Variants in ZNF521 observed in about 807,000 individuals in gnomAD.
ZNF521 encodes the protein zinc finger protein 521.
A neutral mutation model predicts 105.5 loss-of-function variants in ZNF521; 14 were observed. That is an observed-to-expected ratio of 0.13 (90% CI 0.09 to 0.21). The LOEUF (loss-of-function observed/expected upper bound fraction) is 0.21, where lower values mean the gene tolerates loss of function less well. Among genes scored for constraint, ZNF521 ranks in the 10% least tolerant of loss-of-function variants. The pLI, the probability that ZNF521 is intolerant of heterozygous loss-of-function variation, is 1.00. For missense variants in ZNF521, 1,233 were observed against 1,629.7 expected, an observed-to-expected ratio of 0.76 and a Z score of 4.19; for synonymous variants, 635 against 606.0, an observed-to-expected ratio of 1.05 and a Z score of -0.70.
At chr18:25,251,601 A>T (rs1908121042) in intron 3 of ZNF521, among the ~76,000 whole-genome samples, 3 of 152,220 alleles carry the variant, frequency 2.0e-5, no homozygotes, top group Admixed American at 2.0e-4. Context: ...CCATATACAG[A>T]AATCATAGAC....
At chr18:25,180,725 T>C (rs976756601) in intron 5 of ZNF521, among the ~76,000 whole-genome samples, 5 of 152,146 alleles carry the variant, frequency 3.3e-5, no homozygotes, top group African/African-American at 1.2e-4. Flanking sequence ...TTCTCCACCA[T>C]ACTGCCAGCA....
chr18:25,152,114 C>A (rs141615973), intron 5 of ZNF521, among the ~76,000 whole-genome samples: 102 of 152,180 alleles, frequency 6.7e-4, no homozygotes, highest in African/African-American at 2.5e-3. Flanking sequence ...TTTTTGAAGC[C>A]CTAGCCACCC....
chr18:25,225,038 C>A lies in ZNF521; in HGVS notation c.2880G>T (p.Met960Ile). Residue 960 changes from methionine to isoleucine, a missense_variant, in exon 4 of 8, where the codon ATG (methionine) becomes ATT (isoleucine). Met to Ile is a conservative substitution (Grantham distance 10, BLOSUM62 1). Transcript: ENST00000361524. The surrounding 1 kb of genome is among the most constrained non-coding windows in gnomAD (Gnocchi z 5.6). Reference sequence around the variant, plus strand: ...GAAACCGCTCTCCGCAAATAGGGCACATGTAGTGTTTGACAGGGCCTAGGT... The same window carrying A: ...GAAACCGCTCTCCGCAAATAGGGCAAATGTAGTGTTTGACAGGGCCTAGGT... ...QTHLGPVKHY[M>I]CPICGERFPS... The A allele has an allele frequency of 1.9e-6, 3 of 1,614,182 alleles. No individual in the cohort carries two copies. Among genetic ancestry groups the A allele is most frequent in the Non-Finnish European group, 2.5e-6 (3 of 1,180,028 alleles).
rs73943979 is a variant in ZNF521 at position 25,156,263 on chromosome 18, T to C, written c.3658+38897A>G. Among the ~76,000 whole-genome samples the C allele has an allele frequency of 1.7e-3, 260 of 152,340 alleles. 3 individuals carry two copies. The highest frequency in any genetic ancestry group is 5.8e-3 in the African/African-American group (243 of 41,588). On this transcript the variant is annotated intron_variant, in intron 5 of 7. Transcript: ENST00000361524. ...AAAAAATAAGGGGAAATGGACTTGT[T>C]TAATGCCACTCAATTAGAATGGCAG...
At chr18:25,314,424 C>G (rs921329748) in intron 3 of ZNF521, among the ~76,000 whole-genome samples, 1 of 152,130 alleles carries the variant, frequency 6.6e-6, no homozygotes, top group Non-Finnish European at 1.5e-5. Context: ...TTCCAGATGT[C>G]TAAAAGTTTT....
At chr18:25,206,621 C>G (rs986704876) in intron 4 of ZNF521, among the ~76,000 whole-genome samples, 1 of 151,994 alleles carries the variant, frequency 6.6e-6, no homozygotes, top group Non-Finnish European at 1.5e-5. Context: ...TTCTTTATAA[C>G]TTTTATCTCC....
At chr18:25,143,623 GCAAAGAT>G (rs1293847556) in intron 5 of ZNF521, among the ~76,000 whole-genome samples, 14 of 152,016 alleles carry the variant, frequency 9.2e-5, no homozygotes, top group Non-Finnish European at 1.8e-4. Flanking sequence ...ATACCTTGTA[GCAAAGAT>G]GCTAAGTAAC....
chr18:25,174,074 A>G (rs910193799), intron 5 of ZNF521, among the ~76,000 whole-genome samples: 52 of 152,296 alleles, frequency 3.4e-4, no homozygotes, highest in African/African-American at 1.2e-3. Flanking sequence ...ATCAACTTGA[A>G]TTCTTTTTTT....
chr18:25,327,446 C>A, intron 2 of ZNF521: 1 of 1,171,660 alleles, frequency 8.5e-7, no homozygotes, highest in Non-Finnish European at 1.1e-6. Context: ...AGAAGTCCCA[C>A]ACCTAAAAAG....
intron 3 of ZNF521, among the ~76,000 whole-genome samples, chr18:25,234,613 AC>A (rs1304848721): frequency 6.6e-6 from 1 of 152,142 alleles, no homozygotes; most frequent in Non-Finnish European, 1.5e-5. Flanking sequence ...CTCAAACATG[AC>A]CTTATATGAA....
At chr18:25,138,389 G>A (rs935305508) in intron 5 of ZNF521, among the ~76,000 whole-genome samples, 1 of 152,030 alleles carries the variant, frequency 6.6e-6, no homozygotes, top group East Asian at 1.9e-4. Context: ...GGTACAATTT[G>A]TACCTATCTT....
At chr18:25,273,790 A>G (rs894142431) in intron 3 of ZNF521, among the ~76,000 whole-genome samples, 1 of 152,218 alleles carries the variant, frequency 6.6e-6, no homozygotes, top group Non-Finnish European at 1.5e-5. Context: ...TTCTACCACA[A>G]TGTTGCATCT....
chr18:25,123,764 G>T (rs1444007687), intron 5 of ZNF521, among the ~76,000 whole-genome samples: 2 of 152,158 alleles, frequency 1.3e-5, no homozygotes, highest in African/African-American at 4.8e-5. Context: ...TAAGAAACAT[G>T]AATTCCATAT....
At chr18:25,212,327 T>C (rs919566378) in intron 4 of ZNF521, among the ~76,000 whole-genome samples, 20 of 150,870 alleles carry the variant, frequency 1.3e-4, no homozygotes, top group South Asian at 2.1e-4. Flanking sequence ...CTGGCCAACA[T>C]AGTGAAACCC....
At chr18:25,108,565 T>C (rs1260868704) in intron 5 of ZNF521, among the ~76,000 whole-genome samples, 8 of 152,168 alleles carry the variant, frequency 5.3e-5, no homozygotes, top group African/African-American at 1.9e-4. Context: ...CTGCAAACTA[T>C]GAAAAAAATA....
chr18:25,189,023 G>A (rs1337527202), intron 5 of ZNF521, among the ~76,000 whole-genome samples: 1 of 152,188 alleles, frequency 6.6e-6, no homozygotes, highest in African/African-American at 2.4e-5. Context: ...CTAGACGCAA[G>A]CTAAAACACA....
chr18:25,092,939 T>G (rs914530238), intron 5 of ZNF521, among the ~76,000 whole-genome samples: 7 of 152,218 alleles, frequency 4.6e-5, no homozygotes, highest in African/African-American at 1.4e-4. Context: ...AGGATTATCC[T>G]AACTTATTTC....
At chr18:25,172,097 G>T (rs867076045) in intron 5 of ZNF521, among the ~76,000 whole-genome samples, 1 of 152,122 alleles carries the variant, frequency 6.6e-6, no homozygotes, top group African/African-American at 2.4e-5. Flanking sequence ...AGTATTAATT[G>T]CTTCTTCATA....
At chr18:25,336,525 T>C (rs1188534288) in intron 2 of ZNF521, among the ~76,000 whole-genome samples, 1 of 152,238 alleles carries the variant, frequency 6.6e-6, no homozygotes, top group Non-Finnish European at 1.5e-5. Flanking sequence ...CTAAAATTAA[T>C]TAGCTTCACT....
Sources: allele counts gnomAD v4.1 joint callset (sites outside exome capture counted in the v4.1 genomes callset), GRCh38; gene constraint gnomAD v4.1.1; non-coding constraint Gnocchi (gnomAD v3.1); transcripts MANE v1.5; gene names NCBI Gene and HGNC (gene_info 2026-07-23, HGNC 2026-07-21).